The following IL1R1 variants were observed in gnomAD, a reference collection of about 807,000 sequenced individuals.
IL1R1 encodes interleukin 1 receptor type 1, also known as interleukin-1 receptor type 1.
Under a neutral mutation model 50.2 loss-of-function variants are expected in IL1R1, and 22 were observed. That is an observed-to-expected ratio of 0.44 (90% CI 0.31 to 0.63). The LOEUF (loss-of-function observed/expected upper bound fraction) is 0.63, where lower values mean the gene tolerates loss of function less well. Ranked by LOEUF, IL1R1 falls within the 20% of genes least tolerant of loss-of-function variation. IL1R1 has a pLI of 0.07. For missense variants in IL1R1, 509 were observed against 676.2 expected, an observed-to-expected ratio of 0.75 and a Z score of 2.74; for synonymous variants, 251 against 236.7, an observed-to-expected ratio of 1.06 and a Z score of -0.55.
chr2:102,115,965 G>A (rs997398170), intron 1 of IL1R1, among the ~76,000 whole-genome samples: 1 of 152,176 alleles, frequency 6.6e-6, no homozygotes, highest in African/African-American at 2.4e-5. Context: ...GGCAGGTTTT[G>A]ACATCCAACC....
At chr2:102,163,263 G>C (rs777498249) in intron 3 of IL1R1, among the ~76,000 whole-genome samples, 13 of 152,016 alleles carry the variant, frequency 8.6e-5, no homozygotes, top group Admixed American at 2.6e-4. Flanking sequence ...TGTGATATGG[G>C]GGCCTATGTA....
intron 2 of IL1R1, chr2:102,156,156 C>T (rs1347236918): frequency 1.3e-5 from 2 of 152,574 alleles, no homozygotes; most frequent in Non-Finnish European, 2.9e-5. Context: ...ACTTAAAACA[C>T]ACTTCACGCA....
At chr2:102,145,872 G>C (rs1683074547) in intron 1 of IL1R1, among the ~76,000 whole-genome samples, 1 of 152,186 alleles carries the variant, frequency 6.6e-6, no homozygotes, top group Admixed American at 6.5e-5. Context: ...AGGTAGCCAA[G>C]GTTGACAACA....
chr2:102,153,365 A>G (rs1683872599), intron 1 of IL1R1, among the ~76,000 whole-genome samples: 1 of 152,164 alleles, frequency 6.6e-6, no homozygotes, highest in Non-Finnish European at 1.5e-5. Context: ...GTGGTTGTCA[A>G]GCTCTTTGTA....
At chr2:102,137,635 T>A (rs1350063225) in intron 1 of IL1R1, among the ~76,000 whole-genome samples, 1 of 152,178 alleles carries the variant, frequency 6.6e-6, no homozygotes, top group Non-Finnish European at 1.5e-5. Context: ...CTGAAAGGCT[T>A]TTTATGATTG....
chr2:102,127,430 A>G (rs375969167), intron 1 of IL1R1, among the ~76,000 whole-genome samples: 161 of 152,344 alleles, frequency 1.1e-3, no homozygotes, highest in Middle Eastern at 0.01. Context: ...TATTCATCCA[A>G]TAAATATATA....
In IL1R1 at chr2:102,174,609, G is replaced by A. The variant is rs1488422098; in HGVS notation, c.1014G>A (p.Met338Ile). Residue 338 changes from methionine (M) to isoleucine (I), a missense_variant, in exon 10 of 12, where the codon ATG (methionine) becomes ATA (isoleucine). Transcript: ENST00000410023. Reference protein sequence around the residue: ...IYPVTNFQKHMIGICVTLTVI... With the variant: ...IYPVTNFQKHIIGICVTLTVI... ...TAGTCACTAATTTCCAGAAGCACATGATTGGTATATGTGTCACGTTGACAG... is the reference window on the plus strand; with the variant it reads ...TAGTCACTAATTTCCAGAAGCACATAATTGGTATATGTGTCACGTTGACAG... 4 of 1,585,286 alleles carry A rather than the reference G, an allele frequency of 2.5e-6. No homozygotes were observed. The highest frequency in any genetic ancestry group is 3.4e-6 in the Non-Finnish European group (4 of 1,169,180).
chr2:102,072,924 C>A (rs373336153), intron 1 of IL1R1, among the ~76,000 whole-genome samples: 2 of 152,174 alleles, frequency 1.3e-5, no homozygotes, highest in East Asian at 3.9e-4. Flanking sequence ...AGGCCCTTCC[C>A]GGCCAGTTCT....
At chr2:102,141,345 C>T (rs144536606), upstream of IL1R1, among the ~76,000 whole-genome samples, 90 of 152,290 alleles carry the variant, frequency 5.9e-4, no homozygotes, top group East Asian at 0.011. Flanking sequence ...TCATGTCCTC[C>T]GGTGATTCTG....
intron 1 of IL1R1, among the ~76,000 whole-genome samples, chr2:102,146,464 G>A (rs772300840): frequency 2.0e-5 from 3 of 152,154 alleles, no homozygotes; most frequent in Non-Finnish European, 4.4e-5. Context: ...GAGCTAAGCT[G>A]AACTACAACC....
At chr2:102,131,339 C>A (rs978026290) in intron 1 of IL1R1, among the ~76,000 whole-genome samples, 2 of 152,184 alleles carry the variant, frequency 1.3e-5, no homozygotes. Flanking sequence ...GTTTGGCATT[C>A]AACCAAAAAA....
chr2:102,158,999 G>A (rs1419218078), intron 3 of IL1R1, among the ~76,000 whole-genome samples: 1 of 152,240 alleles, frequency 6.6e-6, no homozygotes, highest in Non-Finnish European at 1.5e-5. Context: ...TGGGTCAGAT[G>A]TGAGATGTGA....
chr2:102,139,696 C>A (rs112075801), upstream of IL1R1, among the ~76,000 whole-genome samples: 2,046 of 152,254 alleles, frequency 0.013, 52 homozygotes, highest in African/African-American at 0.047. Context: ...AGTGGCACCT[C>A]CCGCACCTCT....
rs1259673773 is a variant in IL1R1 at position 102,175,338 on chromosome 2, T to C, written c.1136-140T>C. 4.4e-6 allele frequency: 3 copies of C among 674,926 alleles called. No individual in the cohort carries two copies. The Admixed American group carries it at 7.6e-5, about 17-fold the overall frequency. 41.8% of individuals were successfully genotyped at this position (674,926 alleles called of 1,614,324 possible). On this transcript the variant is annotated intron_variant, in intron 10 of 11. Transcript: ENST00000410023. ...TGAACACTTTTTAAAGGGATTATATTTTTGGTATTGCTGCTTCAGTCATGC... is the reference window on the plus strand; with the variant it reads ...TGAACACTTTTTAAAGGGATTATATCTTTGGTATTGCTGCTTCAGTCATGC...
intron 1 of IL1R1, among the ~76,000 whole-genome samples, chr2:102,117,246 C>G (rs1039791353): frequency 6.6e-6 from 1 of 152,122 alleles, no homozygotes; most frequent in African/African-American, 2.4e-5. Flanking sequence ...TGAGTGCCAA[C>G]CACCACAACA....
At chr2:102,088,483 C>T (rs759478492) in intron 1 of IL1R1, among the ~76,000 whole-genome samples, 2 of 152,080 alleles carry the variant, frequency 1.3e-5, no homozygotes, top group Admixed American at 6.5e-5. Flanking sequence ...GTAAACCATG[C>T]TGTAAACAGA....
intron 1 of IL1R1, among the ~76,000 whole-genome samples, chr2:102,113,119 A>G (rs1228032430): frequency 6.6e-6 from 1 of 152,280 alleles, no homozygotes; most frequent in Non-Finnish European, 1.5e-5. Context: ...AATTTGTTAC[A>G]GCAGCCCAGG....
At chr2:102,156,300 G>A (rs1684186413) in intron 2 of IL1R1, 1 of 152,624 alleles carries the variant, frequency 6.6e-6, no homozygotes, top group Non-Finnish European at 1.5e-5. Flanking sequence ...GCCAGCTGAT[G>A]TGAATAAAGG....
intron 6 of IL1R1, among the ~76,000 whole-genome samples, chr2:102,166,860 A>C (rs1353649235): frequency 6.6e-6 from 1 of 152,220 alleles, no homozygotes; most frequent in Non-Finnish European, 1.5e-5. Flanking sequence ...TGCTTGGTGC[A>C]AAACAGCTAT....
Sources: allele counts gnomAD v4.1 joint callset (sites outside exome capture counted in the v4.1 genomes callset), GRCh38; gene constraint gnomAD v4.1.1; transcripts MANE v1.5; gene names NCBI Gene and HGNC (gene_info 2026-07-23, HGNC 2026-07-21).